B3GALT1: variants seen among roughly 807,000 people sequenced by gnomAD.
B3GALT1 encodes UDP-Gal:betaGlcNAc beta 1,3-galactosyltransferase, polypeptide 1.
Under a neutral mutation model 23.2 loss-of-function variants are expected in B3GALT1, and 10 were observed. That is an observed-to-expected ratio of 0.43 (90% confidence interval 0.27 to 0.73). The LOEUF (loss-of-function observed/expected upper bound fraction) is 0.73. Among genes scored for constraint, B3GALT1 ranks in the 30% least tolerant of loss-of-function variants. The pLI, the probability that B3GALT1 is intolerant of heterozygous loss-of-function variation, is 0.21. For missense variants in B3GALT1, 299 were observed against 405.4 expected (o/e 0.74, Z 2.25); for synonymous variants, 156 against 141.5 (o/e 1.10, Z -0.73).
At chr2:167,513,574 A>G (rs1250434331) in intron 2 of B3GALT1, among the ~76,000 whole-genome samples, 1 of 152,192 alleles carries the variant, frequency 6.6e-6, no homozygotes, top group Non-Finnish European at 1.5e-5. Flanking sequence ...TTTATGTTGA[A>G]AAGAAGTGAA....
chr2:167,532,537 C>A (rs1249500187), intron 2 of B3GALT1, among the ~76,000 whole-genome samples: 2 of 151,934 alleles, frequency 1.3e-5, no homozygotes, highest in African/African-American at 2.4e-5. Flanking sequence ...TCACGCTGTT[C>A]TCACCTACAC....
chr2:167,429,275 T>C, intron 1 of B3GALT1, among the ~76,000 whole-genome samples: 1 of 79,078 alleles, frequency 1.3e-5, no homozygotes. Flanking sequence ...AGCGAGACTC[T>C]GTCTCAAAAA....
At chr2:167,780,195 A>G (rs931866791) in intron 3 of B3GALT1, among the ~76,000 whole-genome samples, 4 of 152,344 alleles carry the variant, frequency 2.6e-5, no homozygotes, top group Admixed American at 6.5e-5. Flanking sequence ...CACAAACTTT[A>G]TGCACCTGAG....
At chr2:167,594,075 C>CA (rs925038597) in intron 2 of B3GALT1, among the ~76,000 whole-genome samples, 5 of 152,080 alleles carry the variant, frequency 3.3e-5, no homozygotes, top group African/African-American at 7.2e-5. Flanking sequence ...ACCTGGCTTA[C>CA]AAAAAATAGC....
chr2:167,417,762 T>A (rs1698492047), intron 1 of B3GALT1, among the ~76,000 whole-genome samples: 1 of 152,220 alleles, frequency 6.6e-6, no homozygotes, highest in Admixed American at 6.5e-5. Context: ...CAGACTATTA[T>A]AATAATGGTC....
chr2:167,840,747 T>G (rs2105398750), intron 4 of B3GALT1, among the ~76,000 whole-genome samples: 1 of 150,656 alleles, frequency 6.6e-6, no homozygotes, highest in Admixed American at 6.6e-5. Flanking sequence ...TGCGGCACTA[T>G]TCACAATAGC....
chr2:167,858,388 G>T (rs1313310269), intron 4 of B3GALT1, among the ~76,000 whole-genome samples: 1 of 148,548 alleles, frequency 6.7e-6, no homozygotes, highest in African/African-American at 2.5e-5. Flanking sequence ...AATTAGTCAA[G>T]ATGCATTGAC....
At chr2:167,639,175 G>A in intron 2 of B3GALT1, among the ~76,000 whole-genome samples, 1 of 152,064 alleles carries the variant, frequency 6.6e-6, no homozygotes, top group Middle Eastern at 3.4e-3. Flanking sequence ...AAGAAATAAA[G>A]ATAGAAAGTT....
intron 2 of B3GALT1, among the ~76,000 whole-genome samples, chr2:167,611,395 G>T (rs1370147816): frequency 6.6e-6 from 1 of 151,740 alleles, no homozygotes; most frequent in African/African-American, 2.4e-5. Context: ...GTTACCTGGA[G>T]CCCTTTGTCG....
intron 3 of B3GALT1, among the ~76,000 whole-genome samples, chr2:167,747,429 G>A (rs1422375890): frequency 6.6e-6 from 1 of 152,160 alleles, no homozygotes; most frequent in Non-Finnish European, 1.5e-5. Context: ...GAATTAGGCT[G>A]ACAGCAATTT....
At chr2:167,441,807 C>A (rs1272835745) in intron 1 of B3GALT1, among the ~76,000 whole-genome samples, 1 of 151,348 alleles carries the variant, frequency 6.6e-6, no homozygotes, top group Non-Finnish European at 1.5e-5. Context: ...ATGGGAGAAT[C>A]ATTTGGGTCC....
chr2:167,783,794 G>A (rs1209175588), intron 3 of B3GALT1, among the ~76,000 whole-genome samples: 1 of 152,148 alleles, frequency 6.6e-6, no homozygotes, highest in Non-Finnish European at 1.5e-5. Context: ...CAGGTGAAAT[G>A]GAATTCAGCA....
chr2:167,367,581 G>A (rs771805863), intron 1 of B3GALT1, among the ~76,000 whole-genome samples: 5 of 152,064 alleles, frequency 3.3e-5, no homozygotes, highest in African/African-American at 9.7e-5. Flanking sequence ...TTATGTGTTC[G>A]GCTCTGTTCA....
chr2:167,499,356 T>A (rs1049856410), intron 2 of B3GALT1, among the ~76,000 whole-genome samples: 2 of 152,178 alleles, frequency 1.3e-5, no homozygotes, highest in Admixed American at 1.3e-4. Context: ...ATGATTTTTT[T>A]AAAAGATAGC....
intron 1 of B3GALT1, among the ~76,000 whole-genome samples, chr2:167,295,014 C>T (rs1237917748): frequency 6.6e-6 from 1 of 152,114 alleles, no homozygotes; most frequent in Non-Finnish European, 1.5e-5. Flanking sequence ...ATATGTCAGG[C>T]ATTTTTCGAT....
rs148766971 is a variant in B3GALT1, at chr2:167,590,399, A to C, written c.-409-56510A>C. On this transcript the variant is annotated intron_variant, in intron 2 of 4. Transcript: ENST00000392690. ...ATAACATTTAGTGGATGCTGGGCTT[A>C]ATACCTAGGTGATGGGTTGATCTGT... Among the ~76,000 whole-genome samples, 22 of 152,014 alleles carry C rather than the reference A, an allele frequency of 1.4e-4. 1 individual carries two copies. Among genetic ancestry groups the C allele is most frequent in the African/African-American group, 5.1e-4 (21 of 41,486 alleles).
chr2:167,551,555 T>G (rs1261460015), intron 2 of B3GALT1, among the ~76,000 whole-genome samples: 1 of 151,580 alleles, frequency 6.6e-6, no homozygotes, highest in African/African-American at 2.4e-5. Context: ...TTCACAGAAA[T>G]GTCGTGCCAG....
chr2:167,298,782 A>G (rs1256360129), intron 1 of B3GALT1, among the ~76,000 whole-genome samples: 1 of 152,100 alleles, frequency 6.6e-6, no homozygotes, highest in Non-Finnish European at 1.5e-5. Context: ...AACTGTGTGC[A>G]GTTTTTTGTT....
intron 3 of B3GALT1, chr2:167,716,134 C>G: frequency 3.5e-6 from 5 of 1,429,738 alleles, no homozygotes; most frequent in Non-Finnish European, 3.8e-6. Flanking sequence ...AACACGCAGC[C>G]TTGGGTCTGG....
Sources: gnomAD v4.1 joint callset for allele counts (sites outside exome capture counted in the v4.1 genomes callset) on GRCh38, gnomAD v4.1.1 for gene constraint, MANE v1.5 for transcripts, NCBI Gene and HGNC (gene_info 2026-07-23, HGNC 2026-07-21) for gene names.